Variants in MYCBP2 observed in about 807,000 individuals in gnomAD.
The protein encoded by MYCBP2 is MYC binding protein 2, also known as E3 ubiquitin-protein ligase MYCBP2.
Under a neutral mutation model 525.3 loss-of-function variants are expected in MYCBP2, and 120 were observed. The observed-to-expected ratio is 0.23, with a 90% CI of 0.20 to 0.27. The LOEUF is 0.27. MYCBP2 is among the 10% of genes least tolerant of loss of function. The pLI is 1.00. For synonymous variants in MYCBP2, 1,894 were observed against 1,955.8 expected (o/e 0.97, Z 0.83); for missense variants, 4,149 against 5,657.1 (o/e 0.73, Z 8.55).
At chr13:77,264,044 C>T in intron 8 of MYCBP2, 42 bp from the exon 9 acceptor site, 1 of 1,533,578 alleles carries the variant, frequency 6.5e-7, no homozygotes. Context: ...TACAAGCAAA[C>T]ACCTTGCAAA....
intron 15 of MYCBP2, among the ~76,000 whole-genome samples, chr13:77,250,396 AG>A (rs1406129328): frequency 1.3e-5 from 2 of 152,192 alleles, no homozygotes; most frequent in Non-Finnish European, 2.9e-5. Context: ...GTCAAGAGGC[AG>A]GGATGGCTGT....
At chr13:77,235,025 A>C (rs550612399) in intron 17 of MYCBP2, among the ~76,000 whole-genome samples, 1 of 152,188 alleles carries the variant, frequency 6.6e-6, no homozygotes, top group African/African-American at 2.4e-5. Flanking sequence ...ATTGGGCTCG[A>C]AAATACTATT....
intron 17 of MYCBP2, among the ~76,000 whole-genome samples, chr13:77,241,101 C>A (rs2068752472): frequency 6.6e-6 from 1 of 151,834 alleles, no homozygotes; most frequent in Non-Finnish European, 1.5e-5. Flanking sequence ...AAATATTTAG[C>A]TAGTGGAGGA....
intron 46 of MYCBP2, among the ~76,000 whole-genome samples, chr13:77,155,597 T>G (rs2057113681): frequency 6.6e-6 from 1 of 152,196 alleles, no homozygotes; most frequent in South Asian, 2.1e-4. Context: ...ACTATTTCAA[T>G]TCCTCATTCT....
At chr13:77,156,351 G>C in intron 45 of MYCBP2, 149 bp from the exon 46 acceptor site, 2 of 696,348 alleles carry the variant, frequency 2.9e-6, no homozygotes, top group Non-Finnish European at 4.5e-6. Context: ...ATAATCATGA[G>C]TGTCTCCCTC....
chr13:77,244,073 A>C, intron 15 of MYCBP2, 122 bp from the exon 16 acceptor site: 1 of 1,085,778 alleles, frequency 9.2e-7, no homozygotes, highest in Non-Finnish European at 1.3e-6. Context: ...AAGCAATGAA[A>C]TCACCTCTTT....
At chr13:77,252,403 A>G (rs1034606784) in intron 14 of MYCBP2, among the ~76,000 whole-genome samples, 1 of 152,196 alleles carries the variant, frequency 6.6e-6, no homozygotes, top group African/African-American at 2.4e-5. Flanking sequence ...TGAAGCTTAT[A>G]ATGTAGTAAG....
In MYCBP2 at chr13:77,323,495, A is replaced by C. The variant is rs1175006520; in HGVS notation, c.302+2979T>G. On this transcript the variant is annotated intron_variant, in intron 1 of 82. Transcript: ENST00000544440. ...ATCATGGCAATTCAATTTAAATGCC[A>C]ACTCTCAAAGAGACATTTCCTGACC... 1.3e-5 allele frequency among the ~76,000 whole-genome samples: 2 copies of C among 152,224 alleles called. 1 individual carries two copies. The highest frequency in any genetic ancestry group is 2.9e-5 in the Non-Finnish European group (2 of 68,040).
intron 68 of MYCBP2, among the ~76,000 whole-genome samples, chr13:77,071,271 G>GCACACACACA (rs71814048): frequency 0.063 from 8,923 of 142,644 alleles, 310 homozygotes; most frequent in Middle Eastern, 0.1. Flanking sequence ...GTGTGCACAC[G>GCACACACACA]CACACACACA....
At chr13:77,232,406 T>G (rs1329731169) in intron 18 of MYCBP2, among the ~76,000 whole-genome samples, 2 of 152,136 alleles carry the variant, frequency 1.3e-5, no homozygotes, top group African/African-American at 4.8e-5. Flanking sequence ...TTATATAAAT[T>G]TATAAATTCC....
intron 47 of MYCBP2, among the ~76,000 whole-genome samples, chr13:77,147,947 T>C (rs984713385): frequency 6.6e-6 from 1 of 152,126 alleles, no homozygotes; most frequent in Non-Finnish European, 1.5e-5. Flanking sequence ...GCTCTAAACC[T>C]AGGCTACTCA....
chr13:77,261,385 T>TAAA lies in MYCBP2; in HGVS notation c.1648-13_1648-11dup, dbSNP rs11436373. On this transcript the variant is annotated splice_polypyrimidine_tract_variant and intron_variant, in intron 11 of 82. Coordinates refer to ENST00000544440, the MANE Select transcript of MYCBP2 (RefSeq NM_015057.5). ...TGCCAGTGTAATATATCTTATGTATTAAAAAAAAAAAGGAATTATGGTACT... is the reference window on the plus strand; with the variant it reads ...TGCCAGTGTAATATATCTTATGTATTAAAAAAAAAAAAAAGGAATTATGGTACT... 243 of 1,257,644 alleles carry TAAA rather than the reference T, an allele frequency of 1.9e-4. No homozygotes were observed. Among genetic ancestry groups the TAAA allele is most frequent in the East Asian group, 3.9e-4 (15 of 38,594 alleles). 77.9% of individuals were successfully genotyped at this position (1,257,644 alleles called of 1,614,324 possible). A position where few individuals can be genotyped will look rare whatever the true frequency, so the allele number is the denominator to read the frequency against.
chr13:77,191,624 A>G (rs1269158708), intron 28 of MYCBP2, 55 bp downstream of exon 28: 35 of 1,583,552 alleles, frequency 2.2e-5, no homozygotes, highest in Non-Finnish European at 2.9e-5. Flanking sequence ...TTTCAAAACA[A>G]TATTCCTCTA....
In MYCBP2 at chr13:77,233,156, C is replaced by G; in HGVS notation, c.2737G>C (p.Asp913His). 6.2e-7 allele frequency: 1 copy of G among 1,612,720 alleles called. No individual in the cohort carries two copies. Among genetic ancestry groups the G allele is most frequent in the South Asian group, 1.1e-5 (1 of 90,934 alleles). The part of the protein sequence containing the change: ...QLKHKRDKHK[D>H]GSGERGEKDA... ...CTAGGTGATAAGGAAGACCAAATAC[C>G]TTTGTGCTTGTCCCGTTTATGCTTT... The change falls in exon 18 of 83, where the codon GAT becomes CAT. Residue 913 changes from aspartate (D) to histidine (H), a missense_variant and splice_region_variant. Asp to His is a moderately conservative substitution (Grantham distance 81). Transcript: ENST00000544440.
At position 77,081,921 on chromosome 13, in the gene MYCBP2, G is replaced by A. The variant is rs896805876; in HGVS notation, c.11109C>T (p.Asn3703=). The A allele has an allele frequency of 1.9e-6, 3 of 1,613,488 alleles. No homozygotes were observed. Among genetic ancestry groups the A allele is most frequent in the Non-Finnish European group, 2.5e-6 (3 of 1,179,754 alleles). Residue 3703 remains asparagine, a synonymous_variant, in exon 64 of 83, where the codon AAC becomes AAT. Transcript: ENST00000544440. The surrounding 1 kb of genome is among the most constrained non-coding windows in gnomAD (Gnocchi z 4.6). ...LHQSNVFHHI[N]NILSKSDDGD... is the part of the protein sequence containing the mutation. ...CATCATCTGACTTTGACAAAATATT[G>A]TTAATGTGATGAAAGACGTTGCTCT... is the stretch of plus-strand genomic sequence containing the variant.
At chr13:77,051,631 A>ATTAC (rs2036834861) in intron 81 of MYCBP2, among the ~76,000 whole-genome samples, 180 bp downstream of exon 81, 1 of 152,230 alleles carries the variant, frequency 6.6e-6, no homozygotes, top group Non-Finnish European at 1.5e-5. Context: ...TTATAAAATA[A>ATTAC]AAATATCGCC....
At chr13:77,230,663 T>C (rs1360311629) in intron 18 of MYCBP2, among the ~76,000 whole-genome samples, 3 of 152,236 alleles carry the variant, frequency 2.0e-5, no homozygotes, top group African/African-American at 7.2e-5. Context: ...TGAAAATTTG[T>C]ATCCCTGCAC....
At chr13:77,096,520 G>T (rs368647528) in intron 56 of MYCBP2, 39 bp from the exon 57 acceptor site, 40 of 1,605,720 alleles carry the variant, frequency 2.5e-5, no homozygotes, top group Non-Finnish European at 3.1e-5. Flanking sequence ...AACACTCCAA[G>T]TGTCCTTAAT....
At position 77,326,560 on chromosome 13, in the gene MYCBP2, G is replaced by T; in HGVS notation, c.216C>A (p.Ala72=). Residue 72 remains alanine (A), a synonymous_variant, in exon 1 of 83, where the codon GCC becomes GCA. Transcript: ENST00000544440. The surrounding 1 kb of genome is among the most constrained non-coding windows in gnomAD (Gnocchi z 4.2). The stretch of plus-strand genomic sequence containing the variant: ...AAATCCTCCGGTAGCGGTCGGCCAG[G>T]GCCCGGCCTGACAGCAGCAGCTGGT... ...GHYQLLLSGR[A]LADRYRRIYT... is the part of the protein sequence containing the mutation. 6.3e-7 allele frequency: 1 copy of T among 1,597,970 alleles called. No homozygotes were observed.
Sources: allele counts gnomAD v4.1 joint callset (sites outside exome capture counted in the v4.1 genomes callset), GRCh38; gene constraint gnomAD v4.1.1; non-coding constraint Gnocchi (gnomAD v3.1); transcripts MANE v1.5; gene names NCBI Gene and HGNC (gene_info 2026-07-23, HGNC 2026-07-21).